The following SYT5 variants were observed in gnomAD, a reference collection of about 807,000 sequenced individuals.
SYT5 encodes the protein synaptotagmin 5, also known as synaptotagmin-5.
SYT5 carries 29 observed loss-of-function variants against 36.0 expected under a neutral mutation model. The observed-to-expected ratio is 0.81, with a 90% CI of 0.60 to 1.10. The LOEUF (loss-of-function observed/expected upper bound fraction) is 1.10. SYT5 is among the 50% of genes least tolerant of loss of function. SYT5 has a pLI of 0.00. For synonymous variants in SYT5, 231 were observed against 227.6 expected (o/e 1.02, Z -0.14); for missense variants, 512 against 516.0 (o/e 0.99, Z 0.08).
chr19:55,174,700 GAC>G lies in SYT5; in HGVS notation c.827-52_827-51del, dbSNP rs763977960. ...ATAGCTCCCCACTGCTGGGTTGTTG[GAC>G]CAACATAGAAACACTGCCTACACCC... is the stretch of plus-strand genomic sequence containing the variant. On this transcript the variant is annotated intron_variant, in intron 7 of 8. Transcript: ENST00000354308. 6 of 1,612,738 alleles carry G rather than the reference GAC, an allele frequency of 3.7e-6. No individual in the cohort carries two copies. The South Asian group carries it at 6.6e-5, about 18-fold the overall frequency.
rs2086034427 is a variant in SYT5, at chr19:55,173,856, C to T, written c.961-172G>A. The T allele has an allele frequency of 3.5e-6, 2 of 563,780 alleles. No homozygotes were observed. The highest frequency in any genetic ancestry group is 2.0e-5 in the African/African-American group (1 of 51,256). 34.9% of individuals were successfully genotyped at this position (563,780 alleles called of 1,614,324 possible). On this transcript the variant is annotated intron_variant, in intron 8 of 8. Transcript: ENST00000354308. This position sits in a 1 kb window ranked among gnomAD's most constrained non-coding sequence, Gnocchi z 5.4. The stretch of plus-strand genomic sequence containing the variant: ...GAGACGAGAGGGACGGAGCCTGCGG[C>T]GAGGAGGAGGCTCTGGCGCCTTTCT...
Position 55,174,619 on chromosome 19 carries a change from GC to G in SYT5, c.857del (p.Gly286AlafsTer17). 6.2e-7 allele frequency: 1 copy of G among 1,613,920 alleles called. No individual in the cohort carries two copies. The highest frequency in any genetic ancestry group is 8.5e-7 in the Non-Finnish European group (1 of 1,179,944). ...DPYVKVHLLQ[G>X]GKKVRKKKTT... is the part of the protein sequence containing the mutation. ...TTTTCTTCTTCCGCACCTTTTTGCC[GC>G]CCTGCAGCAGGTGGACCTTGACGTA... On this transcript the variant is annotated frameshift_variant, in exon 8 of 9. Transcript: ENST00000354308. LOFTEE classifies it high-confidence loss of function.
chr19:55,176,362 A>G lies in SYT5; in HGVS notation c.253-238T>C, dbSNP rs535173058. The stretch of plus-strand genomic sequence containing the variant: ...TGTCTGCTATGGGCAGGAACTAGAC[A>G]TGTGCTTGTCATGCTTAGATTAAAA... On this transcript the variant is annotated intron_variant, in intron 3 of 8. Coordinates refer to ENST00000354308, the MANE Select transcript of SYT5 (RefSeq NM_003180.3). The G allele has an allele frequency of 3.2e-5, 18 of 554,936 alleles. 1 individual carries two copies. The East Asian group carries it at 5.6e-4, about 17-fold the overall frequency. 34.4% of individuals were successfully genotyped at this position (554,936 alleles called of 1,614,324 possible).
rs563948640 is a variant in SYT5, at chr19:55,176,288, T to C, written c.253-164A>G. On this transcript the variant is annotated intron_variant, in intron 3 of 8. Coordinates refer to ENST00000354308, the MANE Select transcript of SYT5 (RefSeq NM_003180.3). ...AGTGCTGTCTGCCACAGGCAGGAAA[T>C]AGACGTGGTAACACAGATGCAGTAT... 1.6e-4 allele frequency: 146 copies of C among 893,816 alleles called. 1 individual carries two copies. The African/African-American group carries it at 2.1e-3, about 13-fold the overall frequency. The allele number at this position is 893,816 out of a possible 1,614,324, so 55.4% of individuals were successfully genotyped here.
At position 55,176,085 on chromosome 19, in the gene SYT5, C is replaced by G; in HGVS notation, c.292G>C (p.Gly98Arg). 6.2e-7 allele frequency: 1 copy of G among 1,614,192 alleles called. No individual in the cohort carries two copies. Among genetic ancestry groups the G allele is most frequent in the Non-Finnish European group, 8.5e-7 (1 of 1,180,044 alleles). ...TTGTCTGCCACCTGCTGCCCTGGCC[C>G]GGATGGTGCTGGCTCCAGCTCCTCT... is the stretch of plus-strand genomic sequence containing the variant. Reference protein sequence around the residue: ...EVEELEPAPSGPGQQVADKHE... With the variant: ...EVEELEPAPSRPGQQVADKHE... The change falls in exon 4 of 9, where the codon GGG becomes CGG. Residue 98 changes from glycine to arginine, a missense_variant. By Grantham distance (125) the Gly-to-Arg change is moderately radical. Coordinates refer to ENST00000354308, the MANE Select transcript of SYT5 (RefSeq NM_003180.3).
In SYT5 at chr19:55,173,725, G is replaced by C; in HGVS notation, c.961-41C>G. On this transcript the variant is annotated intron_variant, in intron 8 of 8. Transcript: ENST00000354308. The surrounding 1 kb of genome is among the most constrained non-coding windows in gnomAD (Gnocchi z 5.4). ...GAGGAAGAGGAGAGAGGAGCGTGAG[G>C]GGAGGAGGCCCCGGAAGGGGCGGTG... 1 of 1,321,170 alleles carries C rather than the reference G, an allele frequency of 7.6e-7. No homozygotes were observed. The highest frequency in any genetic ancestry group is 9.7e-7 in the Non-Finnish European group (1 of 1,028,084). The allele number at this position is 1,321,170 out of a possible 1,614,324, so 81.8% of individuals were successfully genotyped here.
At position 55,174,574 on chromosome 19, in the gene SYT5, A is replaced by G. The variant is rs1383090799; in HGVS notation, c.903T>C (p.Thr301=). The change falls in exon 8 of 9, where the codon ACT becomes ACC. Residue 301 remains threonine (T), a synonymous_variant. Transcript: ENST00000354308. ...AAGCTTCGTTGTAATAGGGGTTCAG[A>G]GTGTTCTTCTTGATGGTGGTTTTCT... ...RKKKTTIKKN[T]LNPYYNEAFS... is the part of the protein sequence containing the mutation. The G allele has an allele frequency of 1.2e-6, 2 of 1,614,042 alleles. No homozygotes were observed. Among genetic ancestry groups the G allele is most frequent in the Non-Finnish European group, 1.7e-6 (2 of 1,179,978 alleles).
At position 55,177,566 on chromosome 19, in the gene SYT5, C is replaced by CATTTATTTATTT. The variant is rs140955176; in HGVS notation, c.252+618_252+629dup. The CATTTATTTATTT allele has an allele frequency of 7.2e-5, 11 of 152,028 alleles. 2 individuals carry two copies. The highest frequency in any genetic ancestry group is 2.7e-4 in the African/African-American group (11 of 41,474). The allele number at this position is 152,028 out of a possible 1,614,324, so 9.4% of individuals were successfully genotyped here. ...AAAGCTGGTTTTCAGCTTTCAGAGCCATTTATTTATTTATCTATTTATTGG... is the reference window on the plus strand; with the variant it reads ...AAAGCTGGTTTTCAGCTTTCAGAGCCATTTATTTATTTATTTATTTATTTATCTATTTATTGG... On this transcript the variant is annotated intron_variant, in intron 3 of 8. Coordinates refer to ENST00000354308, the MANE Select transcript of SYT5 (RefSeq NM_003180.3).
intron 2 of SYT5, among the ~76,000 whole-genome samples, chr19:55,178,753 A>ATTTTTTTTTTTTTTTTTTT (rs5828614): frequency 2.0e-5 from 1 of 50,472 alleles, no homozygotes. Flanking sequence ...TCCGGTTTCG[A>ATTTTTTTTTTTTTTTTTTT]TTTTTTTTTT....
rs2147336990 is a variant in SYT5 at position 55,179,021 on chromosome 19, G to A, written c.21C>T (p.Thr7=). Residue 7 remains threonine, a synonymous_variant, in exon 2 of 9, where the codon ACC becomes ACT. Coordinates refer to ENST00000354308, the MANE Select transcript of SYT5 (RefSeq NM_003180.3). The surrounding 1 kb of genome is among the most constrained non-coding windows in gnomAD (Gnocchi z 4.5). MFPEPP[T]PGPPSPDTPP... is the part of the protein sequence containing the mutation. ...GCGTGTCGGGCGATGGAGGCCCCGG[G>A]GTTGGGGGCTCCGGGAACATGGTGG... 6.2e-7 allele frequency: 1 copy of A among 1,605,752 alleles called. No homozygotes were observed. The highest frequency in any genetic ancestry group is 8.5e-7 in the Non-Finnish European group (1 of 1,176,770).
rs2086005195 is a variant in SYT5, at chr19:55,171,413, T to C, written c.*2071A>G. On this transcript the variant is annotated 3_prime_UTR_variant, in exon 9 of 9. Transcript: ENST00000354308. ...TAAAAATCTCATGGATATTATAATC[T>C]GTGTAGCTGTTCTATTTTCACTTTC... 1 of 152,124 alleles carries C rather than the reference T, an allele frequency of 6.6e-6. No individual in the cohort carries two copies. Among genetic ancestry groups the C allele is most frequent in the African/African-American group, 2.4e-5 (1 of 41,418 alleles). The allele number at this position is 152,124 out of a possible 1,614,324, so 9.4% of individuals were successfully genotyped here.
At chr19:55,178,850 C>G in intron 2 of SYT5, 113 bp downstream of exon 2, 1 of 1,251,820 alleles carries the variant, frequency 8.0e-7, no homozygotes, top group Non-Finnish European at 1.0e-6. Context: ...GACCCGGGAT[C>G]CCAGCCGGAT....
chr19:55,175,445 G>T lies in SYT5; in HGVS notation c.541-106C>A, dbSNP rs376169108. On this transcript the variant is annotated intron_variant, in intron 5 of 8. Coordinates refer to ENST00000354308, the MANE Select transcript of SYT5 (RefSeq NM_003180.3). This position sits in a 1 kb window ranked among gnomAD's most constrained non-coding sequence, Gnocchi z 4.5. The stretch of plus-strand genomic sequence containing the variant: ...GGAGTGAGGCAGCGAGGGTCGAAGC[G>T]AACAGTTGGGGGAACTCAAATGGGA... The T allele has an allele frequency of 1.2e-4, 158 of 1,273,948 alleles. 3 individuals carry two copies. In the East Asian group the frequency reaches 3.4e-3, roughly 27 times the overall value. 78.9% of individuals were successfully genotyped at this position (1,273,948 alleles called of 1,614,324 possible).
At position 55,175,722 on chromosome 19, in the gene SYT5, G is replaced by A. The variant is rs779603284; in HGVS notation, c.527C>T (p.Thr176Ile). The A allele has an allele frequency of 2.5e-6, 4 of 1,613,632 alleles. No homozygotes were observed. Among genetic ancestry groups the A allele is most frequent in the African/African-American group, 1.3e-5 (1 of 74,900 alleles). Reference sequence around the variant, plus strand: ...GCAGGAGCTCACCTTGAAGGCGAAGGTCTCCCCAAAGTGAGGGTTCAGCGT... The same window carrying A: ...GCAGGAGCTCACCTTGAAGGCGAAGATCTCCCCAAAGTGAGGGTTCAGCGT... ...RQTLNPHFGETFAFKVPYVEL... is the reference protein window; with the variant it reads ...RQTLNPHFGEIFAFKVPYVEL... The change falls in exon 5 of 9, where the codon ACC becomes ATC. Residue 176 changes from threonine to isoleucine, a missense_variant. Coordinates refer to ENST00000354308, the MANE Select transcript of SYT5 (RefSeq NM_003180.3). This position sits in a 1 kb window ranked among gnomAD's most constrained non-coding sequence, Gnocchi z 4.5.
chr19:55,175,025 G>C lies in SYT5; in HGVS notation c.709-26C>G, dbSNP rs758461282. 1 of 1,609,432 alleles carries C rather than the reference G, an allele frequency of 6.2e-7. No individual in the cohort carries two copies. Among genetic ancestry groups the C allele is most frequent in the Non-Finnish European group, 8.5e-7 (1 of 1,179,268 alleles). Reference sequence around the variant, plus strand: ...CTGAAAGGAGAGGGGCCCATCACCAGAGCCCCGGCTCCACATCCATGCCTC... The same window carrying C: ...CTGAAAGGAGAGGGGCCCATCACCACAGCCCCGGCTCCACATCCATGCCTC... On this transcript the variant is annotated intron_variant, in intron 6 of 8. Coordinates refer to ENST00000354308, the MANE Select transcript of SYT5 (RefSeq NM_003180.3). This position sits in a 1 kb window ranked among gnomAD's most constrained non-coding sequence, Gnocchi z 4.5.
At chr19:55,174,822 C>T in intron 7 of SYT5, 60 bp downstream of exon 7, 6 of 1,587,530 alleles carry the variant, frequency 3.8e-6, no homozygotes, top group Non-Finnish European at 5.2e-6. Flanking sequence ...CAGAAACTGT[C>T]AGAACGAGAA....
In SYT5 at chr19:55,178,188, G is replaced by C. The variant is rs1365123728; in HGVS notation, c.252+8C>G. The C allele has an allele frequency of 6.2e-7, 1 of 1,606,726 alleles. No homozygotes were observed. Among genetic ancestry groups the C allele is most frequent in the South Asian group, 1.1e-5 (1 of 89,842 alleles). On this transcript the variant is annotated splice_region_variant and intron_variant, in intron 3 of 8. Transcript: ENST00000354308. ...GGGGCCAGGTGGAGGGGCTGGGCTG[G>C]GCCACACCTTGTCTATGTAACTCTG...
In SYT5 at chr19:55,173,551, C is replaced by T; in HGVS notation, c.1094G>A (p.Arg365Gln). The T allele has an allele frequency of 1.4e-6, 2 of 1,431,394 alleles. No individual in the cohort carries two copies. Among genetic ancestry groups the T allele is most frequent in the African/African-American group, 1.5e-5 (1 of 66,506 alleles). 88.7% of individuals were successfully genotyped at this position (1,431,394 alleles called of 1,614,324 possible). ...RHWADMLANP[R>Q]RPIAQWHSLR... ...CGAGTGCCACTGGGCAATGGGCCGC[C>T]GCGGGTTGGCCAGCATGTCCGCCCA... Residue 365 changes from arginine (R) to glutamine (Q), a missense_variant, in exon 9 of 9, where the codon CGG becomes CAG. Physicochemically the swap from Arg to Gln is conservative, Grantham distance 43 (BLOSUM62 1). Transcript: ENST00000354308. The surrounding 1 kb of genome is among the most constrained non-coding windows in gnomAD (Gnocchi z 5.4).
chr19:55,178,968 C>T lies in SYT5; in HGVS notation c.74G>A (p.Gly25Asp), dbSNP rs745642654. The T allele has an allele frequency of 5.1e-6, 8 of 1,559,998 alleles. No homozygotes were observed. The highest frequency in any genetic ancestry group is 2.4e-5 in the South Asian group (2 of 83,568). Residue 25 changes from glycine to aspartate, a missense_variant, in exon 2 of 9, where the codon GGC (glycine) becomes GAC (aspartate). Transcript: ENST00000354308. Reference protein sequence around the residue: ...TPPDSSRISHGPVPPWALATI... With the variant: ...TPPDSSRISHDPVPPWALATI... ...CACCCCCGGGTCTTGCTCACCTGGG[C>T]CGTGGCTGATGCGACTGGAGTCGGG... is the stretch of plus-strand genomic sequence containing the variant.
Sources: gnomAD v4.1 joint callset for allele counts (sites outside exome capture counted in the v4.1 genomes callset) on GRCh38, gnomAD v4.1.1 for gene constraint, Gnocchi (gnomAD v3.1) non-coding constraint, MANE v1.5 for transcripts, NCBI Gene and HGNC (gene_info 2026-07-23, HGNC 2026-07-21) for gene names.